TSHZ3: variants seen among roughly 807,000 people sequenced by gnomAD.
TSHZ3 encodes the protein teashirt homolog 3.
In TSHZ3, 10 loss-of-function variants were observed where a neutral mutation model predicts 64.5. The observed-to-expected ratio is 0.16, with a 90% CI of 0.10 to 0.26. The LOEUF (loss-of-function observed/expected upper bound fraction) is 0.26, where lower values mean the gene tolerates loss of function less well. Among genes scored for constraint, TSHZ3 ranks in the 10% least tolerant of loss-of-function variants. TSHZ3 has a pLI of 1.00. For missense variants in TSHZ3, 1,242 were observed against 1,421.7 expected, an observed-to-expected ratio of 0.87 and a Z score of 2.03; for synonymous variants, 608 against 593.1, an observed-to-expected ratio of 1.03 and a Z score of -0.36.
Position 31,330,711 on chromosome 19 carries a change from G to GC in TSHZ3, c.40+18468_40+18469insG, listed in dbSNP as rs1008244351. Among the ~76,000 whole-genome samples, 107 of 151,856 alleles carry GC rather than the reference G, an allele frequency of 7.0e-4. 1 individual carries two copies. The highest frequency in any genetic ancestry group is 3.4e-3 in the Middle Eastern group (1 of 294). On this transcript the variant is annotated intron_variant, in intron 1 of 1. Transcript: ENST00000240587. ...CCAAGTGCTGTTTAATCCTTGGGCG[G>GC]GGGGAGGAAAGTCCAGAACACCTAT...
rs193184246 is a variant in TSHZ3, at chr19:31,327,124, T to C, written c.40+22056A>G. 3.7e-4 allele frequency among the ~76,000 whole-genome samples: 55 copies of C among 150,386 alleles called. No homozygotes were observed. The Middle Eastern group carries it at 0.014, about 38-fold the overall frequency. On this transcript the variant is annotated intron_variant, in intron 1 of 1. Transcript: ENST00000240587. ...GAGTAAAAAGCCCTTAGAAAAAACATAGAATTAAACATGATCATGAGAACA... is the reference window on the plus strand; with the variant it reads ...GAGTAAAAAGCCCTTAGAAAAAACACAGAATTAAACATGATCATGAGAACA...
chr19:31,290,446 T>TG (rs993829031), intron 1 of TSHZ3, among the ~76,000 whole-genome samples: 3 of 151,586 alleles, frequency 2.0e-5, no homozygotes, highest in South Asian at 2.1e-4. Context: ...AAACACACAC[T>TG]GGGGGGTACC....
intron 5 of TSHZ3, among the ~76,000 whole-genome samples, chr19:31,156,784 T>C (rs962091744): frequency 6.6e-6 from 1 of 152,184 alleles, no homozygotes; most frequent in African/African-American, 2.4e-5. Context: ...AGTTTATCCT[T>C]TGAATAAGTG....
At chr19:31,228,562 G>A (rs1975501823) in intron 3 of TSHZ3, among the ~76,000 whole-genome samples, 1 of 151,126 alleles carries the variant, frequency 6.6e-6, no homozygotes, top group East Asian at 1.9e-4. Flanking sequence ...GACAATATTA[G>A]CATGGTTCCC....
chr19:31,211,576 C>A (rs116216503), intron 4 of TSHZ3, among the ~76,000 whole-genome samples: 2,075 of 152,232 alleles, frequency 0.014, 54 homozygotes, highest in African/African-American at 0.048. Context: ...AGCAAGGACA[C>A]AGAGGAAGGA....
At chr19:31,307,196 T>C (rs1411557482) in intron 1 of TSHZ3, among the ~76,000 whole-genome samples, 4 of 152,236 alleles carry the variant, frequency 2.6e-5, no homozygotes, top group African/African-American at 9.6e-5. Context: ...CGTTTCTATA[T>C]GTGCAGACTG....
chr19:31,198,363 A>G (rs1975022526), intron 5 of TSHZ3, among the ~76,000 whole-genome samples: 1 of 152,188 alleles, frequency 6.6e-6, no homozygotes, highest in African/African-American at 2.4e-5. Context: ...AAGCTTTCCC[A>G]CTAAGATTAG....
chr19:31,280,072 T>C (rs186982661), intron 1 of TSHZ3, among the ~76,000 whole-genome samples: 2 of 152,300 alleles, frequency 1.3e-5, no homozygotes, highest in Admixed American at 6.5e-5. Context: ...GGAGGTGGCA[T>C]TCATTTCTAA....
At chr19:31,197,915 G>A (rs533414082) in intron 5 of TSHZ3, among the ~76,000 whole-genome samples, 1 of 152,102 alleles carries the variant, frequency 6.6e-6, no homozygotes, top group African/African-American at 2.4e-5. Flanking sequence ...TTCAAAAGTA[G>A]AAGCCCAGGA....
chr19:31,307,382 G>A (rs977462750), intron 1 of TSHZ3, among the ~76,000 whole-genome samples: 2 of 152,114 alleles, frequency 1.3e-5, no homozygotes, highest in African/African-American at 4.8e-5. Flanking sequence ...TATGGCTGGG[G>A]AGACGGGAAG....
intron 6 of TSHZ3, among the ~76,000 whole-genome samples, chr19:31,154,106 A>C (rs757987922): frequency 2.6e-5 from 4 of 152,200 alleles, no homozygotes; most frequent in African/African-American, 4.8e-5. Flanking sequence ...CATCACCATG[A>C]AAAGAACATG....
chr19:31,245,823 T>C (rs1359705063), intron 1 of TSHZ3, among the ~76,000 whole-genome samples: 1 of 152,172 alleles, frequency 6.6e-6, no homozygotes, highest in Non-Finnish European at 1.5e-5. Flanking sequence ...CAGCATTCAT[T>C]GCAGGTAGTG....
chr19:31,198,264 C>T (rs186518856), intron 5 of TSHZ3, among the ~76,000 whole-genome samples: 3 of 152,164 alleles, frequency 2.0e-5, no homozygotes, highest in Admixed American at 1.3e-4. Flanking sequence ...ATGATAAAAA[C>T]TATCAGTAAA....
chr19:31,339,061 CTTT>C (rs988250897), intron 1 of TSHZ3, among the ~76,000 whole-genome samples: 3 of 152,058 alleles, frequency 2.0e-5, no homozygotes, highest in African/African-American at 7.3e-5. Context: ...CACCATCAAT[CTTT>C]TTTTAAGGAA....
intron 1 of TSHZ3, among the ~76,000 whole-genome samples, chr19:31,249,109 C>G (rs1255751225): frequency 2.0e-5 from 3 of 151,498 alleles, no homozygotes; most frequent in African/African-American, 4.9e-5. Flanking sequence ...GCCTCAAGTA[C>G]CTGAGACGCT....
intron 1 of TSHZ3, among the ~76,000 whole-genome samples, chr19:31,296,486 C>T (rs1488369254): frequency 6.6e-6 from 1 of 151,984 alleles, no homozygotes; most frequent in South Asian, 2.1e-4. Flanking sequence ...AGGTGCCCGC[C>T]ACCATGCCTG....
At chr19:31,312,034 T>C (rs1204437412) in intron 1 of TSHZ3, among the ~76,000 whole-genome samples, 2 of 152,180 alleles carry the variant, frequency 1.3e-5, no homozygotes, top group Non-Finnish European at 2.9e-5. Context: ...AAGCCACTCC[T>C]CTTTAAATCC....
At chr19:31,273,592 T>C (rs778816438), downstream of TSHZ3, among the ~76,000 whole-genome samples, 1 of 152,242 alleles carries the variant, frequency 6.6e-6, no homozygotes, top group Non-Finnish European at 1.5e-5. Context: ...CTTTGGATTC[T>C]AATAAACCGA....
At chr19:31,333,039 G>A (rs558860133) in intron 1 of TSHZ3, among the ~76,000 whole-genome samples, 8 of 151,986 alleles carry the variant, frequency 5.3e-5, no homozygotes, top group East Asian at 3.9e-4. Flanking sequence ...CAAGGAGGTC[G>A]AGGCTGCAGT....
Sources: allele counts gnomAD v4.1 joint callset (sites outside exome capture counted in the v4.1 genomes callset), GRCh38; gene constraint gnomAD v4.1.1; transcripts MANE v1.5; gene names NCBI Gene and HGNC (gene_info 2026-07-23, HGNC 2026-07-21).